Variants in SLC25A26 observed in about 807,000 individuals in gnomAD.
The protein encoded by SLC25A26 is mitochondrial S-adenosylmethionine carrier protein.
A neutral mutation model predicts 37.8 loss-of-function variants in SLC25A26; 36 were observed. The observed-to-expected ratio is 0.95, with a 90% CI of 0.73 to 1.26. SLC25A26 has a LOEUF of 1.26. SLC25A26 is among the 50% of genes most tolerant of loss of function. SLC25A26 has a pLI of 0.00. For missense variants in SLC25A26, 390 were observed against 331.1 expected, an observed-to-expected ratio of 1.18 and a Z score of -1.38; for synonymous variants, 129 against 122.5, an observed-to-expected ratio of 1.05 and a Z score of -0.35.
intron 6 of SLC25A26, among the ~76,000 whole-genome samples, chr3:66,349,092 T>C (rs1332693658): frequency 6.6e-6 from 1 of 152,238 alleles, no homozygotes; most frequent in Middle Eastern, 3.2e-3. Flanking sequence ...ATAGTGTTTA[T>C]TTCTTTTCAA....
intron 1 of SLC25A26, among the ~76,000 whole-genome samples, chr3:66,165,056 C>G (rs141926394): frequency 0.02 from 3,052 of 152,258 alleles, 50 homozygotes; most frequent in Non-Finnish European, 0.032. Flanking sequence ...GAGACTGTAT[C>G]CTGAAAAACA....
Position 66,272,152 on chromosome 3 carries a change from A to T in SLC25A26, c.453+8773A>T, listed in dbSNP as rs182781562. Reference sequence around the variant, plus strand: ...CCAGTCACTGTGCTAAGTTGTTTACATACATTATTTCACATAATCCTCACA... The same window carrying T: ...CCAGTCACTGTGCTAAGTTGTTTACTTACATTATTTCACATAATCCTCACA... On this transcript the variant is annotated intron_variant, in intron 5 of 9. Coordinates refer to ENST00000354883, the MANE Select transcript of SLC25A26 (RefSeq NM_001379210.1). Among the ~76,000 whole-genome samples the T allele has an allele frequency of 5.3e-5, 8 of 152,174 alleles. No homozygotes were observed. The East Asian group carries it at 5.8e-4, about 11-fold the overall frequency.
chr3:66,152,373 A>G (rs2070220624), intron 1 of SLC25A26, among the ~76,000 whole-genome samples: 1 of 152,228 alleles, frequency 6.6e-6, no homozygotes, highest in Non-Finnish European at 1.5e-5. Context: ...GGGAAACCCC[A>G]GATCAAAATG....
intron 7 of SLC25A26, among the ~76,000 whole-genome samples, chr3:66,363,559 C>T (rs974731812): frequency 6.6e-6 from 1 of 152,114 alleles, no homozygotes; most frequent in Non-Finnish European, 1.5e-5. Flanking sequence ...AACTCAAATG[C>T]TTTAAAGAGC....
At chr3:66,212,938 G>A (rs2106840507) in intron 1 of SLC25A26, among the ~76,000 whole-genome samples, 1 of 152,270 alleles carries the variant, frequency 6.6e-6, no homozygotes, top group East Asian at 1.9e-4. Context: ...GTTAAACATG[G>A]AGCAGAGGGA....
chr3:66,311,528 C>A (rs889337366), intron 5 of SLC25A26, among the ~76,000 whole-genome samples: 1 of 151,942 alleles, frequency 6.6e-6, no homozygotes, highest in African/African-American at 2.4e-5. Context: ...CAGTTTTGTT[C>A]CCTTGCTGGT....
intron 9 of SLC25A26, among the ~76,000 whole-genome samples, chr3:66,371,787 T>C (rs1700357018): frequency 6.6e-6 from 1 of 152,116 alleles, no homozygotes; most frequent in South Asian, 2.1e-4. Flanking sequence ...TGAAGCTACT[T>C]AGCCAGTAGC....
intron 1 of SLC25A26, among the ~76,000 whole-genome samples, chr3:66,176,370 G>A (rs537275454): frequency 1.3e-5 from 2 of 152,302 alleles, no homozygotes; most frequent in African/African-American, 2.4e-5. Context: ...GTAGCCAGAA[G>A]GGGGAAAACA....
At chr3:66,226,893 A>G (rs1006842038) in intron 1 of SLC25A26, among the ~76,000 whole-genome samples, 1 of 152,100 alleles carries the variant, frequency 6.6e-6, no homozygotes, top group Non-Finnish European at 1.5e-5. Flanking sequence ...TATATAGGGG[A>G]AAAATTGCAA....
intron 3 of SLC25A26, among the ~76,000 whole-genome samples, chr3:66,249,101 G>T (rs941574147): frequency 6.6e-6 from 1 of 152,158 alleles, no homozygotes; most frequent in Admixed American, 6.5e-5. Context: ...TATTCTTTCT[G>T]TTCTCCTCAA....
At chr3:66,346,723 T>C (rs1010733897) in intron 6 of SLC25A26, among the ~76,000 whole-genome samples, 24 of 118,658 alleles carry the variant, frequency 2.0e-4, no homozygotes, top group African/African-American at 1.1e-3. Flanking sequence ...TGCGTGTGTG[T>C]GTGTGTGTGT....
Position 66,352,435 on chromosome 3 carries a change from G to GT in SLC25A26, c.498+6033dup, listed in dbSNP as rs376280552. On this transcript the variant is annotated intron_variant, in intron 6 of 9. Transcript: ENST00000354883. The stretch of plus-strand genomic sequence containing the variant: ...CGCCTCCCCTCGTTTTTTGTTTTTT[G>GT]TTTTTTGTTTTTTTTTTTGAGATGT... Among the ~76,000 whole-genome samples the GT allele has an allele frequency of 8.6e-3, 1,125 of 130,992 alleles. 25 individuals carry two copies. The highest frequency in any genetic ancestry group is 0.032 in the African/African-American group (1,029 of 32,240). 85.9% of individuals were successfully genotyped at this position (130,992 alleles called of 152,430 possible).
intron 1 of SLC25A26, among the ~76,000 whole-genome samples, chr3:66,225,500 C>A (rs2071702641): frequency 6.6e-6 from 1 of 152,120 alleles, no homozygotes; most frequent in South Asian, 2.1e-4. Context: ...TCATTTTTTC[C>A]CTCCTAGGCC....
intron 5 of SLC25A26, among the ~76,000 whole-genome samples, chr3:66,267,768 G>A (rs766808266): frequency 2.6e-5 from 4 of 152,174 alleles, no homozygotes; most frequent in African/African-American, 9.6e-5. Context: ...GAAGCCCCCA[G>A]TCTTTAGGTG....
chr3:66,248,882 T>C lies in SLC25A26; in HGVS notation c.300+5570T>C, dbSNP rs77512364. ...AGTTACAAATGGGGATTTTTGGAGATGACACTAGGGTTCCTGTATTTTAAA... is the reference window on the plus strand; with the variant it reads ...AGTTACAAATGGGGATTTTTGGAGACGACACTAGGGTTCCTGTATTTTAAA... On this transcript the variant is annotated intron_variant, in intron 3 of 9. Coordinates refer to ENST00000354883, the MANE Select transcript of SLC25A26 (RefSeq NM_001379210.1). 7.5e-3 allele frequency among the ~76,000 whole-genome samples: 1,138 copies of C among 152,320 alleles called. 13 individuals are homozygous for C. The highest frequency in any genetic ancestry group is 0.03 in the Admixed American group (462 of 15,304).
At chr3:66,160,990 T>G (rs2106711392) in intron 1 of SLC25A26, among the ~76,000 whole-genome samples, 1 of 152,216 alleles carries the variant, frequency 6.6e-6, no homozygotes, top group Admixed American at 6.5e-5. Context: ...CAAAACTGAA[T>G]GTATTCAAGA....
At chr3:66,202,779 C>T (rs900906449) in intron 1 of SLC25A26, among the ~76,000 whole-genome samples, 21 of 152,210 alleles carry the variant, frequency 1.4e-4, no homozygotes, top group Non-Finnish European at 2.1e-4. Flanking sequence ...AGGAATTCTG[C>T]TAAGTTACAC....
At chr3:66,328,711 T>A (rs2075899014) in intron 5 of SLC25A26, among the ~76,000 whole-genome samples, 1 of 152,190 alleles carries the variant, frequency 6.6e-6, no homozygotes, top group African/African-American at 2.4e-5. Flanking sequence ...GAACATTTCC[T>A]AGTTAGCAGT....
At chr3:66,361,479 A>G (rs1391645452) in intron 6 of SLC25A26, among the ~76,000 whole-genome samples, 1 of 152,250 alleles carries the variant, frequency 6.6e-6, no homozygotes, top group Non-Finnish European at 1.5e-5. Context: ...TGAAAAGGCA[A>G]GACTAGAAGA....
Sources: allele counts gnomAD v4.1 joint callset (sites outside exome capture counted in the v4.1 genomes callset), GRCh38; gene constraint gnomAD v4.1.1; transcripts MANE v1.5; gene names NCBI Gene and HGNC (gene_info 2026-07-23, HGNC 2026-07-21).